The following KDM5A variants were observed in gnomAD, a reference collection of about 807,000 sequenced individuals.
KDM5A encodes lysine-specific demethylase 5A.
Under a neutral mutation model 193.5 loss-of-function variants are expected in KDM5A, and 42 were observed. That is an observed-to-expected ratio of 0.22 (90% CI 0.17 to 0.28). KDM5A has a LOEUF of 0.28. Among genes scored for constraint, KDM5A ranks in the 10% least tolerant of loss-of-function variants. The pLI is 1.00. For synonymous variants in KDM5A, 796 were observed against 718.1 expected, an observed-to-expected ratio of 1.11 and a Z score of -1.73; for missense variants, 1,692 against 2,055.1, an observed-to-expected ratio of 0.82 and a Z score of 3.42.
chr12:380,991 TA>T lies in KDM5A; in HGVS notation c.366+3039del, dbSNP rs1377794081. Among the ~76,000 whole-genome samples the T allele has an allele frequency of 2.6e-3, 235 of 88,954 alleles. 4 individuals are homozygous for T. Among genetic ancestry groups the T allele is most frequent in the East Asian group, 0.018 (73 of 3,998 alleles). The allele number at this position is 88,954 out of a possible 152,430, so 58.4% of individuals were successfully genotyped here. On this transcript the variant is annotated intron_variant, in intron 3 of 27. Coordinates refer to ENST00000399788, the MANE Select transcript of KDM5A (RefSeq NM_001042603.3). ...TTGCATAATTAGTAGAGATAGGTTT[TA>T]TTTTATTTTTTTTTTTTAGACGGAG...
intron 3 of KDM5A, 37 bp from the exon 4 acceptor site, chr12:366,141 C>G (rs1394905452): frequency 7.0e-6 from 11 of 1,570,488 alleles, no homozygotes; most frequent in Non-Finnish European, 8.8e-6. Flanking sequence ...AGAAAAAAGG[C>G]AAATTCAAGC....
intron 14 of KDM5A, among the ~76,000 whole-genome samples, chr12:324,211 A>C (rs1943756333): frequency 6.6e-6 from 1 of 151,516 alleles, no homozygotes; most frequent in African/African-American, 2.4e-5. Context: ...GAGGCTAAGG[A>C]GGGAAGATCA....
chr12:317,468 T>C (rs964559438), intron 19 of KDM5A, among the ~76,000 whole-genome samples: 1 of 152,228 alleles, frequency 6.6e-6, no homozygotes, highest in African/African-American at 2.4e-5. Context: ...GCTTTATACT[T>C]CTTACTTCCT....
rs777463903 is a variant in KDM5A, at chr12:293,013, A to G, written c.4612T>C (p.Leu1538=). The part of the protein sequence containing the change: ...KKMDKPRKKK[L]KLGADKSKEL... ...TTTGATTTGTCTGCACCTAATTTTAATTTCTTCTTTCTAGGTTTGTCCATT... is the reference window on the plus strand; with the variant it reads ...TTTGATTTGTCTGCACCTAATTTTAGTTTCTTCTTTCTAGGTTTGTCCATT... Residue 1538 remains leucine, a synonymous_variant, in exon 27 of 28, where the codon TTA becomes CTA. Transcript: ENST00000399788. 1.0e-5 allele frequency: 16 copies of G among 1,589,468 alleles called. No individual in the cohort carries two copies. Among genetic ancestry groups the G allele is most frequent in the Non-Finnish European group, 1.3e-5 (15 of 1,174,012 alleles).
intron 14 of KDM5A, among the ~76,000 whole-genome samples, chr12:326,781 C>T (rs1393363561): frequency 4.3e-5 from 6 of 140,814 alleles, no homozygotes; most frequent in Admixed American, 7.6e-5. Flanking sequence ...AGGAGAATGG[C>T]GTGGACCCGC....
chr12:337,646 C>CT (rs61446610), intron 10 of KDM5A, among the ~76,000 whole-genome samples: 8,236 of 140,614 alleles, frequency 0.059, 488 homozygotes, highest in South Asian at 0.17. Context: ...TATTTCTAAA[C>CT]TTTTTTTTTT....
intron 13 of KDM5A, among the ~76,000 whole-genome samples, chr12:330,085 G>GTGTGTGTGTGTGTGTGTGTATA (rs377271333): frequency 2.2e-3 from 302 of 139,354 alleles, no homozygotes; most frequent in East Asian, 4.3e-3. Context: ...GTGTGTGTGT[G>GTGTGTGTGTGTGTGTGTGTATA]TATATATATA....
At chr12:295,211 A>C (rs1179114756) in intron 26 of KDM5A, among the ~76,000 whole-genome samples, 1 of 151,908 alleles carries the variant, frequency 6.6e-6, no homozygotes, top group Non-Finnish European at 1.5e-5. Flanking sequence ...GCCATAAATC[A>C]AATCTCTGGT....
intron 24 of KDM5A, among the ~76,000 whole-genome samples, chr12:303,587 G>T (rs1016889576): frequency 4.0e-5 from 6 of 151,804 alleles, no homozygotes; most frequent in African/African-American, 1.4e-4. Flanking sequence ...AAACCACCAT[G>T]GCACGTGTAT....
At chr12:312,460 G>A (rs1402676521) in intron 20 of KDM5A, among the ~76,000 whole-genome samples, 1 of 152,102 alleles carries the variant, frequency 6.6e-6, no homozygotes, top group Non-Finnish European at 1.5e-5. Flanking sequence ...AAAATTTGAA[G>A]AATACAGTAG....
intron 22 of KDM5A, among the ~76,000 whole-genome samples, chr12:308,360 T>C (rs887005926): frequency 1.3e-5 from 2 of 152,198 alleles, no homozygotes; most frequent in Non-Finnish European, 2.9e-5. Flanking sequence ...ATGAGAATAC[T>C]ACCAACCGTA....
chr12:317,052 A>G (rs944721366), intron 19 of KDM5A, among the ~76,000 whole-genome samples: 1 of 152,202 alleles, frequency 6.6e-6, no homozygotes, highest in Admixed American at 6.5e-5. Flanking sequence ...CACAAGGACC[A>G]CCGTTAATTA....
chr12:296,284 T>G (rs1943371870), intron 25 of KDM5A, among the ~76,000 whole-genome samples: 1 of 148,528 alleles, frequency 6.7e-6, no homozygotes, highest in African/African-American at 2.5e-5. Context: ...ATCACGCCAT[T>G]GCACTCCAGC....
At chr12:311,261 A>G in intron 20 of KDM5A, 197 bp from the exon 21 acceptor site, 1 of 598,416 alleles carries the variant, frequency 1.7e-6, no homozygotes, top group Non-Finnish European at 2.9e-6. Flanking sequence ...TTTAATGAAC[A>G]TGTCATCAAT....
At chr12:354,832 C>T (rs145290525) in intron 7 of KDM5A, among the ~76,000 whole-genome samples, 1 of 151,984 alleles carries the variant, frequency 6.6e-6, no homozygotes, top group East Asian at 1.9e-4. Flanking sequence ...TTTAAAAATA[C>T]CATGTCCTTC....
At chr12:378,337 AG>A (rs1359393127) in intron 3 of KDM5A, among the ~76,000 whole-genome samples, 1 of 152,010 alleles carries the variant, frequency 6.6e-6, no homozygotes, top group Non-Finnish European at 1.5e-5. Context: ...AGGTCACTGT[AG>A]CCCCAAACAC....
In KDM5A at chr12:307,718, C is replaced by G. The variant is rs2137388849; in HGVS notation, c.3666G>C (p.Arg1222Ser). 1 of 1,614,162 alleles carries G rather than the reference C, an allele frequency of 6.2e-7. No homozygotes were observed. ...CCAGGAGTGACAGAATAGTCTCTAG[C>G]CTGGGCCTTCGAGACCGCATACAAA... ...CPLCMRSRRP[R>S]LETILSLLVS... Residue 1222 changes from arginine to serine, a missense_variant, in exon 23 of 28, where the codon AGG becomes AGC. Coordinates refer to ENST00000399788, the MANE Select transcript of KDM5A (RefSeq NM_001042603.3). The surrounding 1 kb of genome is among the most constrained non-coding windows in gnomAD (Gnocchi z 4.3).
At chr12:330,077 G>A (rs985035813) in intron 13 of KDM5A, among the ~76,000 whole-genome samples, 2,347 of 128,372 alleles carry the variant, frequency 0.018, 103 homozygotes, top group South Asian at 0.17. Context: ...GTGTGTGTGT[G>A]TGTGTGTGTA....
chr12:313,233 A>G, intron 19 of KDM5A, 39 bp from the exon 20 acceptor site: 1 of 1,608,528 alleles, frequency 6.2e-7, no homozygotes, highest in Non-Finnish European at 8.5e-7. Flanking sequence ...TGCATGAGAA[A>G]TCAACATTTA....
Sources: allele counts gnomAD v4.1 joint callset (sites outside exome capture counted in the v4.1 genomes callset), GRCh38; gene constraint gnomAD v4.1.1; non-coding constraint Gnocchi (gnomAD v3.1); transcripts MANE v1.5; gene names NCBI Gene and HGNC (gene_info 2026-07-23, HGNC 2026-07-21).